The following SYNE1 variants were observed in gnomAD, a reference collection of about 807,000 sequenced individuals.
SYNE1 encodes the protein spectrin repeat containing nuclear envelope protein 1.
A neutral mutation model predicts 1,111.0 loss-of-function variants in SYNE1; 616 were observed. That is an observed-to-expected ratio of 0.55 (90% CI 0.52 to 0.59). SYNE1 has a LOEUF of 0.59. Ranked by LOEUF, SYNE1 falls within the 20% of genes least tolerant of loss-of-function variation. The probability of loss-of-function intolerance (pLI) is 0.00; values close to 1 mark genes in which losing one functional copy is unlikely to be tolerated. For missense variants in SYNE1, 10,006 were observed against 10,417.0 expected, an observed-to-expected ratio of 0.96 and a Z score of 1.72; for synonymous variants, 3,855 against 3,825.8, an observed-to-expected ratio of 1.01 and a Z score of -0.28.
chr6:152,629,237 A>T (rs767669741), intron 2 of SYNE1, among the ~76,000 whole-genome samples: 6 of 151,916 alleles, frequency 3.9e-5, no homozygotes, highest in Non-Finnish European at 7.4e-5. Flanking sequence ...GTTTTGGGAC[A>T]GTCTCACTCT....
intron 14 of SYNE1, among the ~76,000 whole-genome samples, chr6:152,475,586 T>C (rs189450326): frequency 6.6e-6 from 1 of 152,338 alleles, no homozygotes; most frequent in Non-Finnish European, 1.5e-5. Flanking sequence ...GATTAAACTT[T>C]CAACTTACTA....
At chr6:152,380,344 T>G (rs192278373) in intron 56 of SYNE1, among the ~76,000 whole-genome samples, 1 of 152,240 alleles carries the variant, frequency 6.6e-6, no homozygotes, top group African/African-American at 2.4e-5. Flanking sequence ...AAGATACTGT[T>G]TAACAGTGAA....
chr6:152,414,882 G>A (rs2098128945), intron 41 of SYNE1, among the ~76,000 whole-genome samples: 1 of 151,982 alleles, frequency 6.6e-6, no homozygotes, highest in Admixed American at 6.6e-5. Context: ...TTCTTCCCAA[G>A]TATCATTCCC....
At chr6:152,215,090 C>A in intron 121 of SYNE1, 30 bp from the exon 122 acceptor site, 1 of 1,613,016 alleles carries the variant, frequency 6.2e-7, no homozygotes, top group Non-Finnish European at 8.5e-7. Context: ...GTAGGTTTAG[C>A]ACCATGGTCA....
intron 47 of SYNE1, among the ~76,000 whole-genome samples, chr6:152,400,374 T>A (rs988975661): frequency 7.2e-5 from 11 of 152,110 alleles, no homozygotes; most frequent in Admixed American, 5.2e-4. Context: ...ATAGGAAACA[T>A]GAAAATGGGC....
At chr6:152,244,892 AAGTC>A (rs1184401843) in intron 105 of SYNE1, among the ~76,000 whole-genome samples, 1 of 152,198 alleles carries the variant, frequency 6.6e-6, no homozygotes, top group African/African-American at 2.4e-5. Flanking sequence ...AGGCAGGAGA[AAGTC>A]AGGGTAGAGG....
At chr6:152,481,695 A>C (rs1564355877) in intron 14 of SYNE1, 1 of 347,152 alleles carries the variant, frequency 2.9e-6, no homozygotes, top group African/African-American at 2.1e-5. Context: ...TACTATTTTC[A>C]CACTTTTCTC....
At chr6:152,295,879 C>T (rs1032933206) in intron 93 of SYNE1, among the ~76,000 whole-genome samples, 8 of 152,222 alleles carry the variant, frequency 5.3e-5, no homozygotes, top group Non-Finnish European at 1.2e-4. Flanking sequence ...CATCCAAAAA[C>T]ACCTGCACGC....
intron 2 of SYNE1, among the ~76,000 whole-genome samples, chr6:152,629,743 A>G (rs1171225520): frequency 6.6e-6 from 1 of 152,146 alleles, no homozygotes; most frequent in African/African-American, 2.4e-5. Flanking sequence ...GCCTCCGAAG[A>G]GGCCCACAGG....
At chr6:152,382,584 T>C (rs6557217) in intron 55 of SYNE1, among the ~76,000 whole-genome samples, 21,003 of 152,156 alleles carry the variant, frequency 0.14, 2,936 homozygotes, top group African/African-American at 0.35. Context: ...GCATGATATG[T>C]ATATTCAACC....
At chr6:152,364,173 C>T (rs568032706) in intron 63 of SYNE1, among the ~76,000 whole-genome samples, 2 of 152,222 alleles carry the variant, frequency 1.3e-5, no homozygotes, top group East Asian at 1.9e-4. Context: ...TGCTGCCATG[C>T]GAAGAAGGAT....
At position 152,395,637 on chromosome 6, in the gene SYNE1, T is replaced by G. The variant is rs1251126069; in HGVS notation, c.7591A>C (p.Ile2531Leu). Residue 2531 changes from isoleucine to leucine, a missense_variant, in exon 51 of 146, where the codon ATC (isoleucine) becomes CTC (leucine). Around this residue, in one of 7 missense-constraint regions of SYNE1, gnomAD observed 4,955 missense variants for 5,017.2 expected, o/e 0.99. Transcript: ENST00000367255. ...TTGAACCTTTCTTCCATTTCATGGATCCATAAGTTCAGTTTTCTGTGCTGA... is the reference window on the plus strand; with the variant it reads ...TTGAACCTTTCTTCCATTTCATGGAGCCATAAGTTCAGTTTTCTGTGCTGA... ...EDQHRKLNLW[I>L]HEMEERFNTE... The G allele has an allele frequency of 6.2e-7, 1 of 1,614,056 alleles. No homozygotes were observed. The highest frequency in any genetic ancestry group is 8.5e-7 in the Non-Finnish European group (1 of 1,180,024).
chr6:152,228,633 G>A (rs2082105980), intron 115 of SYNE1, among the ~76,000 whole-genome samples: 5 of 152,184 alleles, frequency 3.3e-5, no homozygotes. Flanking sequence ...CAACAGTAAA[G>A]TTTATCACAA....
In SYNE1 at chr6:152,316,886, G is replaced by C. The variant is rs1379717748; in HGVS notation, c.16673C>G (p.Ser5558Cys). The change falls in exon 87 of 146, where the codon TCT becomes TGT. Residue 5558 changes from serine to cysteine, a missense_variant. Transcript: ENST00000367255. ...VLAHGTIAWN[S>C]ASQLREQYIL... is the part of the protein sequence containing the mutation. Reference sequence around the variant, plus strand: ...ATATTGTTCCCGAAGCTGGCTTGCAGAATTCCATGCAATAGTTCCATGAGC... The same window carrying C: ...ATATTGTTCCCGAAGCTGGCTTGCACAATTCCATGCAATAGTTCCATGAGC... 1 of 1,614,132 alleles carries C rather than the reference G, an allele frequency of 6.2e-7. No individual in the cohort carries two copies. The highest frequency in any genetic ancestry group is 1.7e-5 in the Admixed American group (1 of 60,018).
chr6:152,445,352 A>T (rs2098573664), intron 29 of SYNE1, among the ~76,000 whole-genome samples: 1 of 152,104 alleles, frequency 6.6e-6, no homozygotes. Flanking sequence ...TTTTGTAGTC[A>T]TCTAATGGAT....
chr6:152,136,848 A>C (rs767565627), intron 140 of SYNE1, 30 bp from the exon 141 acceptor site: 1 of 1,607,142 alleles, frequency 6.2e-7, no homozygotes, highest in Non-Finnish European at 8.5e-7. Context: ...CAATCAAACA[A>C]GGACAATAAT....
intron 95 of SYNE1, among the ~76,000 whole-genome samples, chr6:152,290,771 A>T (rs1407299347): frequency 6.6e-6 from 1 of 152,158 alleles, no homozygotes; most frequent in Non-Finnish European, 1.5e-5. Flanking sequence ...ACCATACTGG[A>T]CTTCCTCACA....
intron 13 of SYNE1, 100 bp downstream of exon 13, chr6:152,484,735 A>C: frequency 1.6e-6 from 2 of 1,282,642 alleles, no homozygotes; most frequent in Non-Finnish European, 2.2e-6. Flanking sequence ...AGACAGAGGC[A>C]GTAGAACCTG....
rs577563202 is a variant in SYNE1, at chr6:152,164,559, A to G, written c.23628-234T>C. ...AGGGCACAGGAGCAGAGATAGATAA[A>G]TTAGTTTTGAACACAGTTTTCCCAG... On this transcript the variant is annotated intron_variant, in intron 130 of 145. Transcript: ENST00000367255. Among the ~76,000 whole-genome samples, 14 of 152,300 alleles carry G rather than the reference A, an allele frequency of 9.2e-5. 1 individual carries two copies. Among genetic ancestry groups the G allele is most frequent in the Non-Finnish European group, 1.5e-4 (10 of 68,032 alleles).
Sources: gnomAD v4.1 joint callset for allele counts (sites outside exome capture counted in the v4.1 genomes callset) on GRCh38, gnomAD v4.1.1 for gene constraint, gnomAD v4.1.1 regional missense constraint, MANE v1.5 for transcripts, NCBI Gene and HGNC (gene_info 2026-07-23, HGNC 2026-07-21) for gene names.